The following STK38L variants were observed in gnomAD, a reference collection of about 807,000 sequenced individuals.
STK38L encodes the protein serine/threonine-protein kinase 38-like.
STK38L carries 28 observed loss-of-function variants against 59.7 expected under a neutral mutation model. The ratio of observed to expected loss-of-function variants is 0.47; its 90% confidence interval spans 0.35 to 0.64. The LOEUF (loss-of-function observed/expected upper bound fraction) is 0.64. Ranked by LOEUF, STK38L falls within the 30% of genes least tolerant of loss-of-function variation. The pLI is 0.01. For synonymous variants in STK38L, 162 were observed against 176.8 expected (o/e 0.92, Z 0.66); for missense variants, 314 against 555.8 (o/e 0.56, Z 4.37).
chr12:27,308,398 G>A lies in STK38L; in HGVS notation c.246G>A (p.Arg82=). 6.3e-7 allele frequency: 1 copy of A among 1,599,822 alleles called. No individual in the cohort carries two copies. Residue 82 remains arginine (R), a synonymous_variant, in exon 4 of 14, where the codon AGG becomes AGA. Transcript: ENST00000389032. The surrounding 1 kb of genome is among the most constrained non-coding windows in gnomAD (Gnocchi z 4.5). ...AAACAGAGTTCTTACGGCTCAAAAG[G>A]ACCAGACTTGGCTTGGATGACTTTG... is the stretch of plus-strand genomic sequence containing the variant. ...RKETEFLRLK[R]TRLGLDDFES...
chr12:27,303,394 TC>T (rs1214454923), intron 3 of STK38L, among the ~76,000 whole-genome samples: 1 of 152,124 alleles, frequency 6.6e-6, no homozygotes, highest in Non-Finnish European at 1.5e-5. Flanking sequence ...AGGCATCACT[TC>T]CACTGGGAAA....
chr12:27,308,572 C>G lies in STK38L; in HGVS notation c.309+111C>G. On this transcript the variant is annotated intron_variant, in intron 4 of 13. Coordinates refer to ENST00000389032, the MANE Select transcript of STK38L (RefSeq NM_015000.4). This position sits in a 1 kb window ranked among gnomAD's most constrained non-coding sequence, Gnocchi z 4.5. ...GGGTGCGGTGGCTCACGCCTGTAATCCCAATACTTTGGGAGGCCGAGGCGG... is the reference window on the plus strand; with the variant it reads ...GGGTGCGGTGGCTCACGCCTGTAATGCCAATACTTTGGGAGGCCGAGGCGG... The G allele has an allele frequency of 1.7e-6, 2 of 1,163,104 alleles. No individual in the cohort carries two copies. Among genetic ancestry groups the G allele is most frequent in the Non-Finnish European group, 2.2e-6 (2 of 912,072 alleles). The allele number at this position is 1,163,104 out of a possible 1,614,324, so 72.0% of individuals were successfully genotyped here. A position where few individuals can be genotyped will look rare whatever the true frequency, so the allele number is the denominator to read the frequency against.
chr12:27,312,176 G>A (rs1944472181), intron 5 of STK38L, among the ~76,000 whole-genome samples: 1 of 152,126 alleles, frequency 6.6e-6, no homozygotes, highest in Non-Finnish European at 1.5e-5. Context: ...ACTGTGCCCG[G>A]CCCTGCTTAC....
chr12:27,288,168 T>TGC (rs1469722333), intron 1 of STK38L, among the ~76,000 whole-genome samples: 8 of 152,200 alleles, frequency 5.3e-5, no homozygotes, highest in African/African-American at 1.9e-4. Context: ...CATGAGCCAC[T>TGC]GCGCCCAGCC....
chr12:27,296,796 A>G (rs1237871907), intron 1 of STK38L, among the ~76,000 whole-genome samples: 1 of 152,222 alleles, frequency 6.6e-6, no homozygotes, highest in African/African-American at 2.4e-5. Flanking sequence ...CACCTGCCGC[A>G]GCCATCGGAG....
chr12:27,314,007 T>G (rs10842900), intron 6 of STK38L, among the ~76,000 whole-genome samples: 49,042 of 152,028 alleles, frequency 0.32, 9,264 homozygotes, highest in African/African-American at 0.53. Flanking sequence ...GGTCTCTGCC[T>G]TAAAACCATT....
At chr12:27,250,965 G>T (rs1339623788) in intron 1 of STK38L, among the ~76,000 whole-genome samples, 1 of 142,890 alleles carries the variant, frequency 7.0e-6, no homozygotes, top group East Asian at 2.1e-4. Flanking sequence ...CTTCACTGTA[G>T]CCCAGCCTGG....
intron 1 of STK38L, among the ~76,000 whole-genome samples, chr12:27,259,390 T>C (rs1330757102): frequency 6.6e-6 from 1 of 152,132 alleles, no homozygotes; most frequent in African/African-American, 2.4e-5. Flanking sequence ...GGGCAGGTCT[T>C]TTATGGCCGC....
chr12:27,259,991 T>C (rs1429288779), intron 1 of STK38L, among the ~76,000 whole-genome samples: 1 of 152,226 alleles, frequency 6.6e-6, no homozygotes, highest in Non-Finnish European at 1.5e-5. Flanking sequence ...GAACTCTGTT[T>C]CTTATATCAA....
At chr12:27,246,208 G>A (rs1431238106) in intron 1 of STK38L, among the ~76,000 whole-genome samples, 1 of 152,158 alleles carries the variant, frequency 6.6e-6, no homozygotes, top group East Asian at 1.9e-4. Context: ...CAGTTCAGCT[G>A]TTTGCTTTCA....
intron 5 of STK38L, 75 bp from the exon 6 acceptor site, chr12:27,312,474 G>T: frequency 1.3e-6 from 2 of 1,496,290 alleles, no homozygotes; most frequent in African/African-American, 1.4e-5. Context: ...GTTATGGATG[G>T]ATAAGTGTAA....
intron 1 of STK38L, among the ~76,000 whole-genome samples, chr12:27,293,385 C>T (rs948475464): frequency 1.3e-5 from 2 of 152,236 alleles, no homozygotes; most frequent in African/African-American, 4.8e-5. Flanking sequence ...TCCACCTTAT[C>T]CCAATCCCAT....
chr12:27,311,302 A>G (rs531220339), intron 5 of STK38L, among the ~76,000 whole-genome samples: 59 of 152,370 alleles, frequency 3.9e-4, no homozygotes, highest in African/African-American at 1.4e-3. Flanking sequence ...TCATGCCAGA[A>G]GACAAGTTCT....
At chr12:27,315,396 A>C in intron 9 of STK38L, 46 bp downstream of exon 9, 1 of 1,483,944 alleles carries the variant, frequency 6.7e-7, no homozygotes, top group South Asian at 1.2e-5. Context: ...TGGTTCTAAA[A>C]TCTTACCTGG....
At chr12:27,303,255 G>T (rs1273832536) in intron 3 of STK38L, among the ~76,000 whole-genome samples, 1 of 151,914 alleles carries the variant, frequency 6.6e-6, no homozygotes, top group Admixed American at 6.6e-5. Flanking sequence ...GTACGTGCCT[G>T]TAGTCCTAGC....
At chr12:27,247,271 T>C (rs1198747822) in intron 1 of STK38L, among the ~76,000 whole-genome samples, 1 of 152,228 alleles carries the variant, frequency 6.6e-6, no homozygotes, top group Non-Finnish European at 1.5e-5. Flanking sequence ...TAGATAGCTA[T>C]TGAGTGGTAG....
chr12:27,251,511 T>C (rs1001558944), intron 1 of STK38L, among the ~76,000 whole-genome samples: 2 of 152,224 alleles, frequency 1.3e-5, no homozygotes, highest in Non-Finnish European at 2.9e-5. Context: ...CTTAGGTCTT[T>C]CGACTCTAAT....
At chr12:27,319,803 C>T (rs138521808) in intron 12 of STK38L, among the ~76,000 whole-genome samples, 72 of 152,252 alleles carry the variant, frequency 4.7e-4, no homozygotes, top group African/African-American at 1.6e-3. Flanking sequence ...CCTCTTTAAA[C>T]GGTGGTTGGG....
In STK38L at chr12:27,314,972, T is replaced by G. The variant is rs769930143; in HGVS notation, c.673-43T>G. 5 of 1,473,932 alleles carry G rather than the reference T, an allele frequency of 3.4e-6. No homozygotes were observed. In the East Asian group the frequency reaches 1.1e-4, roughly 34 times the overall value. 91.3% of individuals were successfully genotyped at this position (1,473,932 alleles called of 1,614,324 possible). The stretch of plus-strand genomic sequence containing the variant: ...AGGAGTTTATAACAAGGCTTTTTGT[T>G]TTCAAAGTTAATATGATCTAATTTT... On this transcript the variant is annotated intron_variant, in intron 7 of 13. Transcript: ENST00000389032.
Sources: gnomAD v4.1 joint callset for allele counts (sites outside exome capture counted in the v4.1 genomes callset) on GRCh38, gnomAD v4.1.1 for gene constraint, Gnocchi (gnomAD v3.1) non-coding constraint, MANE v1.5 for transcripts, NCBI Gene and HGNC (gene_info 2026-07-23, HGNC 2026-07-21) for gene names.